Variants in DGKB observed in about 807,000 individuals in gnomAD.
The protein encoded by DGKB is 90 kDa diacylglycerol kinase.
A neutral mutation model predicts 114.3 loss-of-function variants in DGKB; 67 were observed. The ratio of observed to expected loss-of-function variants is 0.59; its 90% CI spans 0.48 to 0.72. The LOEUF (loss-of-function observed/expected upper bound fraction) is 0.72. Ranked by LOEUF, DGKB falls within the 30% of genes least tolerant of loss-of-function variation. The pLI is 0.00. For synonymous variants in DGKB, 398 were observed against 323.1 expected, an observed-to-expected ratio of 1.23 and a Z score of -2.49; for missense variants, 907 against 975.2, an observed-to-expected ratio of 0.93 and a Z score of 0.93.
At chr7:14,949,654 G>A (rs965996487) in intron 1 of DGKB, among the ~76,000 whole-genome samples, 4 of 151,738 alleles carry the variant, frequency 2.6e-5, no homozygotes, top group Non-Finnish European at 5.9e-5. Flanking sequence ...AATTTAAGAG[G>A]TACAACAAAC....
intron 21 of DGKB, among the ~76,000 whole-genome samples, chr7:14,424,977 A>AGTCTC (rs1827283106): frequency 6.6e-6 from 1 of 152,160 alleles, no homozygotes; most frequent in Non-Finnish European, 1.5e-5. Context: ...TACTTACTCA[A>AGTCTC]GTCTCACATA....
chr7:14,287,439 G>T (rs1335773184), intron 23 of DGKB, among the ~76,000 whole-genome samples: 1 of 152,034 alleles, frequency 6.6e-6, no homozygotes, highest in Non-Finnish European at 1.5e-5. Context: ...GAATTTCTAA[G>T]TTGTTCTAAA....
chr7:14,347,495 ATGC>A (rs1812680200), intron 21 of DGKB, among the ~76,000 whole-genome samples: 2 of 152,008 alleles, frequency 1.3e-5, no homozygotes, highest in South Asian at 4.1e-4. Context: ...GTTGGACCTT[ATGC>A]TAAGTGAAGG....
chr7:14,801,895 T>G (rs1200063369), intron 2 of DGKB, among the ~76,000 whole-genome samples: 3 of 141,830 alleles, frequency 2.1e-5, no homozygotes, highest in Non-Finnish European at 4.6e-5. Flanking sequence ...TGTATATATA[T>G]ATACACACAT....
chr7:14,865,106 G>T (rs1398351252), intron 1 of DGKB, among the ~76,000 whole-genome samples: 1 of 152,020 alleles, frequency 6.6e-6, no homozygotes, highest in East Asian at 1.9e-4. Flanking sequence ...AACAAAATGT[G>T]ATCAAGATGA....
chr7:14,695,326 G>C (rs74632201), intron 8 of DGKB, among the ~76,000 whole-genome samples: 2,188 of 151,994 alleles, frequency 0.014, 50 homozygotes, highest in African/African-American at 0.05. Context: ...TAAATCTCAT[G>C]TTAAAGCCAT....
At chr7:14,571,422 G>C (rs1278926942) in intron 20 of DGKB, among the ~76,000 whole-genome samples, 1 of 152,206 alleles carries the variant, frequency 6.6e-6, no homozygotes, top group Admixed American at 6.5e-5. Context: ...TGAACAGGGA[G>C]AGCCAGTGTC....
intron 1 of DGKB, among the ~76,000 whole-genome samples, chr7:14,864,547 G>C (rs943876077): frequency 1.3e-5 from 2 of 152,122 alleles, no homozygotes; most frequent in South Asian, 2.1e-4. Flanking sequence ...TTTGAATATA[G>C]AAAGAAAAAT....
intron 1 of DGKB, among the ~76,000 whole-genome samples, chr7:14,900,136 A>T (rs1379349421): frequency 6.6e-6 from 1 of 152,190 alleles, no homozygotes; most frequent in Non-Finnish European, 1.5e-5. Flanking sequence ...AACAAAGCAC[A>T]TGAGAAAATA....
At chr7:14,387,247 C>T (rs987400123) in intron 21 of DGKB, among the ~76,000 whole-genome samples, 2 of 151,850 alleles carry the variant, frequency 1.3e-5, no homozygotes, top group Non-Finnish European at 2.9e-5. Flanking sequence ...CATGGTGAAA[C>T]TCCGTCTCTA....
chr7:14,527,941 T>C (rs1180632975), intron 20 of DGKB, among the ~76,000 whole-genome samples: 1 of 152,124 alleles, frequency 6.6e-6, no homozygotes, highest in Admixed American at 6.6e-5. Flanking sequence ...ACTTCTGCTA[T>C]ATGGAAGTAA....
rs1272137866 is a variant in DGKB, at chr7:14,280,720, A to G, written c.2122+57795T>C. On this transcript the variant is annotated intron_variant, in intron 23 of 25. Coordinates refer to ENST00000402815, the MANE Select transcript of DGKB (RefSeq NM_001350709.2). ...GGGCCAATATTCAACATTCTTAAAG[A>G]AAAGAATTTTCAACCCAGAATTTCA... Among the ~76,000 whole-genome samples, 8 of 150,316 alleles carry G rather than the reference A, an allele frequency of 5.3e-5. No individual in the cohort carries two copies. In the East Asian group the frequency reaches 1.4e-3, roughly 26 times the overall value.
chr7:14,788,457 A>G (rs1477508527), intron 2 of DGKB, among the ~76,000 whole-genome samples: 4 of 152,218 alleles, frequency 2.6e-5, no homozygotes, highest in African/African-American at 4.8e-5. Flanking sequence ...ACAGCAAAAT[A>G]GTTGTCTGTG....
chr7:14,971,520 A>G (rs1027201268), intron 1 of DGKB, among the ~76,000 whole-genome samples: 3 of 152,150 alleles, frequency 2.0e-5, no homozygotes, highest in African/African-American at 7.2e-5. Flanking sequence ...GAGTAAAAAT[A>G]CCTAGCCAAT....
intron 23 of DGKB, among the ~76,000 whole-genome samples, chr7:14,325,632 C>T (rs944256402): frequency 6.6e-5 from 10 of 152,130 alleles, no homozygotes; most frequent in African/African-American, 2.4e-4. Context: ...GCAATCAGAA[C>T]CTAATTCTTC....
At chr7:14,521,686 T>C (rs1477976931) in intron 20 of DGKB, among the ~76,000 whole-genome samples, 1 of 152,172 alleles carries the variant, frequency 6.6e-6, no homozygotes, top group Non-Finnish European at 1.5e-5. Context: ...CTTTGAACAA[T>C]TTTTATTTTT....
At chr7:14,919,062 G>GCACACACACA (rs767285844) in intron 1 of DGKB, among the ~76,000 whole-genome samples, 8 of 118,144 alleles carry the variant, frequency 6.8e-5, no homozygotes, top group African/African-American at 1.0e-4. Context: ...TCCACCACAC[G>GCACACACACA]CACACACACA....
chr7:14,926,117 AAC>A (rs1784737062), intron 1 of DGKB, among the ~76,000 whole-genome samples: 1 of 152,070 alleles, frequency 6.6e-6, no homozygotes, highest in South Asian at 2.1e-4. Context: ...ATTTTTTTCA[AAC>A]ACTTTTTTTG....
intron 23 of DGKB, among the ~76,000 whole-genome samples, chr7:14,322,321 G>T (rs1055551329): frequency 6.6e-6 from 1 of 152,174 alleles, no homozygotes; most frequent in Admixed American, 6.5e-5. Context: ...GTGGAATACA[G>T]TGTTCAGAAA....
Sources: allele counts gnomAD v4.1 joint callset (sites outside exome capture counted in the v4.1 genomes callset), GRCh38; gene constraint gnomAD v4.1.1; transcripts MANE v1.5; gene names NCBI Gene and HGNC (gene_info 2026-07-23, HGNC 2026-07-21).